TMEM108: variants seen among roughly 807,000 people sequenced by gnomAD.
The protein encoded by TMEM108 is transmembrane protein 108.
A neutral mutation model predicts 35.1 loss-of-function variants in TMEM108; 12 were observed. The observed-to-expected ratio is 0.34, with a 90% CI of 0.22 to 0.55. TMEM108 has a LOEUF of 0.55. TMEM108 is among the 20% of genes least tolerant of loss of function. The pLI, the probability that TMEM108 is intolerant of heterozygous loss-of-function variation, is 0.89. For synonymous variants in TMEM108, 287 were observed against 308.6 expected, an observed-to-expected ratio of 0.93 and a Z score of 0.73; for missense variants, 680 against 753.3, an observed-to-expected ratio of 0.90 and a Z score of 1.14.
At chr3:133,161,981 A>G (rs1383562863) in intron 2 of TMEM108, among the ~76,000 whole-genome samples, 2 of 152,182 alleles carry the variant, frequency 1.3e-5, no homozygotes, top group Admixed American at 6.5e-5. Flanking sequence ...CCTAGAGTGA[A>G]GTTGGGGGTG....
At chr3:133,394,434 C>T (rs565141232) in intron 5 of TMEM108, among the ~76,000 whole-genome samples, 4 of 152,340 alleles carry the variant, frequency 2.6e-5, no homozygotes, top group South Asian at 4.1e-4. Context: ...CTCCTTCTCC[C>T]TGTTTTCTCT....
At chr3:133,098,930 G>C (rs1176055113) in intron 2 of TMEM108, among the ~76,000 whole-genome samples, 1 of 152,172 alleles carries the variant, frequency 6.6e-6, no homozygotes, top group Non-Finnish European at 1.5e-5. Flanking sequence ...ACCATTCTGG[G>C]GTCTGGAGGA....
intron 3 of TMEM108, among the ~76,000 whole-genome samples, chr3:133,229,737 C>G: frequency 6.6e-6 from 1 of 152,166 alleles, no homozygotes; most frequent in East Asian, 1.9e-4. Flanking sequence ...CTGTAGATTC[C>G]TCATGAAGAG....
chr3:133,258,377 T>A (rs1946577710), intron 3 of TMEM108, among the ~76,000 whole-genome samples: 1 of 152,170 alleles, frequency 6.6e-6, no homozygotes, highest in Non-Finnish European at 1.5e-5. Context: ...TCCATCAAGC[T>A]ACAAGAAGGG....
At chr3:133,208,708 C>G (rs1203293754) in intron 2 of TMEM108, among the ~76,000 whole-genome samples, 3 of 152,100 alleles carry the variant, frequency 2.0e-5, no homozygotes. Flanking sequence ...ACATTACATC[C>G]AAAACTGTAT....
At chr3:133,232,626 A>G (rs1362710013) in intron 3 of TMEM108, among the ~76,000 whole-genome samples, 4 of 152,236 alleles carry the variant, frequency 2.6e-5, no homozygotes, top group Non-Finnish European at 5.9e-5. Flanking sequence ...ATCATAATCA[A>G]TAGTCACTGA....
At chr3:133,294,739 G>A (rs997419102) in intron 3 of TMEM108, among the ~76,000 whole-genome samples, 4 of 152,188 alleles carry the variant, frequency 2.6e-5, no homozygotes, top group African/African-American at 9.6e-5. Context: ...GTGAAGTTCA[G>A]GAAATTGTAG....
intron 2 of TMEM108, among the ~76,000 whole-genome samples, chr3:133,159,435 G>A (rs188414656): frequency 2.4e-4 from 36 of 151,980 alleles, no homozygotes; most frequent in Admixed American, 2.0e-3. Flanking sequence ...ACTTTCCTCC[G>A]TTCACTGCAA....
chr3:133,235,149 A>G (rs970019018), intron 3 of TMEM108, among the ~76,000 whole-genome samples: 3 of 152,206 alleles, frequency 2.0e-5, no homozygotes, highest in African/African-American at 7.2e-5. Flanking sequence ...GATAGGAAGA[A>G]TCAATGTCGT....
In TMEM108 at chr3:133,379,712, C is replaced by T. The variant is rs779156048; in HGVS notation, c.41-40C>T. ...AGAAAGGCCCAGGCTGTATGCTGCT[C>T]CCCAAGTATTTTACCTCTTCTCTCT... On this transcript the variant is annotated intron_variant, in intron 3 of 5. Coordinates refer to ENST00000321871, the MANE Select transcript of TMEM108 (RefSeq NM_023943.4). 9.3e-5 allele frequency: 147 copies of T among 1,587,558 alleles called. No homozygotes were observed. In the African/African-American group the frequency reaches 1.8e-3, roughly 19 times the overall value.
intron 2 of TMEM108, among the ~76,000 whole-genome samples, chr3:133,177,471 A>C (rs1261863454): frequency 6.6e-6 from 1 of 152,232 alleles, no homozygotes; most frequent in African/African-American, 2.4e-5. Context: ...ATCCATCATG[A>C]TCAAGTGGGC....
Position 133,252,899 on chromosome 3 carries a change from G to T in TMEM108, c.40+23548G>T, listed in dbSNP as rs75711195. ...AATCTGTGGATATGGAGGGCTGACT[G>T]TACTACCCAATTTTATATAAAAGAC... On this transcript the variant is annotated intron_variant, in intron 3 of 5. Transcript: ENST00000321871. Among the ~76,000 whole-genome samples, 1,179 of 152,234 alleles carry T rather than the reference G, an allele frequency of 7.7e-3. 18 individuals are homozygous for T. The highest frequency in any genetic ancestry group is 0.027 in the African/African-American group (1,112 of 41,544).
rs989356848 is a variant in TMEM108, at chr3:133,099,797, T to C, written c.-47+53777T>C. Among the ~76,000 whole-genome samples the C allele has an allele frequency of 3.9e-5, 6 of 152,200 alleles. No homozygotes were observed. In the East Asian group the frequency reaches 1.2e-3, roughly 29 times the overall value. ...TGAGACCACCTCAGCCTGGACCTTA[T>C]TGTTCATATCACTATCAGCATTTTT... is the stretch of plus-strand genomic sequence containing the variant. On this transcript the variant is annotated intron_variant, in intron 2 of 5. Transcript: ENST00000321871.
At chr3:133,386,396 G>T in intron 4 of TMEM108, 1 of 1,536,052 alleles carries the variant, frequency 6.5e-7, no homozygotes, top group Non-Finnish European at 8.7e-7. Flanking sequence ...GGACCTGCAG[G>T]GTTTCATTTC....
chr3:133,075,751 C>G (rs1426780796), intron 2 of TMEM108, among the ~76,000 whole-genome samples: 1 of 152,056 alleles, frequency 6.6e-6, no homozygotes, highest in Non-Finnish European at 1.5e-5. Context: ...AGAAAAGATC[C>G]CTGGGGAAAG....
chr3:133,305,163 A>G (rs1313426978), intron 3 of TMEM108, among the ~76,000 whole-genome samples: 2 of 151,744 alleles, frequency 1.3e-5, no homozygotes, highest in Admixed American at 6.6e-5. Flanking sequence ...GCACATATAC[A>G]CCATGGAATA....
chr3:133,079,093 A>G (rs1407063982), intron 2 of TMEM108, among the ~76,000 whole-genome samples: 1 of 152,242 alleles, frequency 6.6e-6, no homozygotes, highest in Non-Finnish European at 1.5e-5. Context: ...AGAATGGATC[A>G]GATAGCTGTG....
chr3:133,233,619 A>T (rs893056875), intron 3 of TMEM108, among the ~76,000 whole-genome samples: 15 of 148,742 alleles, frequency 1.0e-4, no homozygotes, highest in South Asian at 6.6e-4. Context: ...TGCCACACTG[A>T]CTTCCACAAT....
At position 133,320,498 on chromosome 3, in the gene TMEM108, A is replaced by T. The variant is rs376662314; in HGVS notation, c.41-59254A>T. 2.2e-4 allele frequency among the ~76,000 whole-genome samples: 33 copies of T among 151,532 alleles called. No homozygotes were observed. In the South Asian group the frequency reaches 6.3e-3, roughly 29 times the overall value. ...GAAAAAGACAAAACAAAATGAACAA[A>T]GCCTCCAAGAAATTTTGGATTATGT... On this transcript the variant is annotated intron_variant, in intron 3 of 5. Coordinates refer to ENST00000321871, the MANE Select transcript of TMEM108 (RefSeq NM_023943.4).
Sources: allele counts gnomAD v4.1 joint callset (sites outside exome capture counted in the v4.1 genomes callset), GRCh38; gene constraint gnomAD v4.1.1; transcripts MANE v1.5; gene names NCBI Gene and HGNC (gene_info 2026-07-23, HGNC 2026-07-21).